Variants in PRR16 observed in about 807,000 individuals in gnomAD.
PRR16 encodes protein Largen.
Under a neutral mutation model 18.2 loss-of-function variants are expected in PRR16, and 6 were observed. That is an observed-to-expected ratio of 0.33 (90% CI 0.18 to 0.65). PRR16 has a LOEUF of 0.65. Ranked by LOEUF, PRR16 falls within the 30% of genes least tolerant of loss-of-function variation. The probability of loss-of-function intolerance (pLI) is 0.74; values close to 1 mark genes in which losing one functional copy is unlikely to be tolerated. For synonymous variants in PRR16, 151 were observed against 147.8 expected (o/e 1.02, Z -0.16); for missense variants, 412 against 376.6 (o/e 1.09, Z -0.78).
At chr5:120,544,007 C>T (rs1419818585) in intron 1 of PRR16, among the ~76,000 whole-genome samples, 3 of 152,090 alleles carry the variant, frequency 2.0e-5, no homozygotes, top group African/African-American at 7.2e-5. Context: ...GTTTGTCTGG[C>T]TGTGGAGATA....
At chr5:120,546,663 C>A (rs1269944978) in intron 1 of PRR16, among the ~76,000 whole-genome samples, 2 of 152,028 alleles carry the variant, frequency 1.3e-5, no homozygotes, top group Non-Finnish European at 2.9e-5. Flanking sequence ...AAGGATTCAG[C>A]TAGAGATTTT....
chr5:120,644,091 A>C (rs1274653173), intron 1 of PRR16, among the ~76,000 whole-genome samples: 1 of 152,034 alleles, frequency 6.6e-6, no homozygotes, highest in Non-Finnish European at 1.5e-5. Flanking sequence ...TTGGGTTCTA[A>C]AACTGTTCCT....
At chr5:120,625,299 C>T (rs182188525) in intron 1 of PRR16, among the ~76,000 whole-genome samples, 3 of 152,142 alleles carry the variant, frequency 2.0e-5, no homozygotes, top group South Asian at 2.1e-4. Flanking sequence ...AATGACTGTG[C>T]GGTAGTGGTC....
At chr5:120,548,329 C>A (rs1561541090) in intron 1 of PRR16, among the ~76,000 whole-genome samples, 1 of 152,054 alleles carries the variant, frequency 6.6e-6, no homozygotes, top group Non-Finnish European at 1.5e-5. Context: ...TTCTATTCAG[C>A]ATTTTTACAT....
chr5:120,683,263 C>T (rs1042301769), intron 1 of PRR16, among the ~76,000 whole-genome samples: 4 of 152,102 alleles, frequency 2.6e-5, no homozygotes, highest in Middle Eastern at 3.4e-3. Context: ...TGGGCTGAAG[C>T]GAGTGGATCA....
At chr5:120,500,280 C>CA (rs1279012416) in intron 1 of PRR16, among the ~76,000 whole-genome samples, 1 of 152,106 alleles carries the variant, frequency 6.6e-6, no homozygotes, top group Non-Finnish European at 1.5e-5. Flanking sequence ...ATACATTAGG[C>CA]AAAAAGAAAA....
chr5:120,519,439 G>A (rs1014186400), intron 1 of PRR16, among the ~76,000 whole-genome samples: 1 of 152,088 alleles, frequency 6.6e-6, no homozygotes, highest in African/African-American at 2.4e-5. Context: ...TTATATGATA[G>A]GCATTGAGTG....
the PRR16 span, chr5:120,781,541 C>G: frequency 6.6e-6 from 1 of 152,130 alleles, no homozygotes; most frequent in East Asian, 1.9e-4. Context: ...TGGGAGGCAT[C>G]TCTCACATAA....
chr5:120,713,110 A>T, the PRR16 span, among the ~76,000 whole-genome samples: 1 of 152,172 alleles, frequency 6.6e-6, no homozygotes, highest in Non-Finnish European at 1.5e-5. Context: ...GAGGCACAAC[A>T]CAAACACACA....
chr5:120,703,402 A>G, the PRR16 span, among the ~76,000 whole-genome samples: 1 of 152,354 alleles, frequency 6.6e-6, no homozygotes, highest in Admixed American at 6.5e-5. Context: ...TTGGGCTCAG[A>G]GGCCTGACAT....
the PRR16 span, among the ~76,000 whole-genome samples, chr5:120,787,510 C>T: frequency 9.2e-5 from 14 of 152,008 alleles, no homozygotes; most frequent in Admixed American, 2.0e-4. Flanking sequence ...TAACTTATGG[C>T]CACTGAGGGC....
chr5:120,763,339 G>A, the PRR16 span, among the ~76,000 whole-genome samples: 1 of 151,966 alleles, frequency 6.6e-6, no homozygotes, highest in African/African-American at 2.4e-5. Context: ...GTAGAGATGA[G>A]GTTTCGCCAT....
intron 1 of PRR16, among the ~76,000 whole-genome samples, chr5:120,628,006 C>G (rs1484011393): frequency 1.3e-5 from 2 of 152,032 alleles, no homozygotes; most frequent in Non-Finnish European, 2.9e-5. Context: ...GTTGTCCTTA[C>G]TCTGGTGAAT....
chr5:120,753,972 A>C, the PRR16 span, among the ~76,000 whole-genome samples: 1 of 111,154 alleles, frequency 9.0e-6, no homozygotes, highest in Non-Finnish European at 1.9e-5. Flanking sequence ...AATATATGTT[A>C]TATAATATAA....
chr5:120,607,437 T>C (rs1041037930), intron 1 of PRR16, among the ~76,000 whole-genome samples: 2 of 152,242 alleles, frequency 1.3e-5, no homozygotes, highest in East Asian at 1.9e-4. Flanking sequence ...AATAGTTTCT[T>C]TGAAGATATT....
the PRR16 span, among the ~76,000 whole-genome samples, chr5:120,750,525 A>T: frequency 6.6e-6 from 1 of 151,742 alleles, no homozygotes; most frequent in Admixed American, 6.6e-5. Context: ...AAATTAGCCC[A>T]GTGTGGTGGC....
At chr5:120,754,417 ATATT>A in the PRR16 span, among the ~76,000 whole-genome samples, 1 of 100,842 alleles carries the variant, frequency 9.9e-6, no homozygotes, top group African/African-American at 4.1e-5. Flanking sequence ...TATATACTAT[ATATT>A]ATATAATATA....
the PRR16 span, among the ~76,000 whole-genome samples, chr5:120,774,514 A>T: frequency 2.0e-5 from 3 of 152,166 alleles, no homozygotes; most frequent in Admixed American, 6.5e-5. Flanking sequence ...AGTGCATAGA[A>T]GCCACCCGAT....
At chr5:120,583,780 A>C (rs1002105019) in intron 1 of PRR16, among the ~76,000 whole-genome samples, 3 of 152,242 alleles carry the variant, frequency 2.0e-5, no homozygotes, top group Admixed American at 2.0e-4. Context: ...TAGGATATTC[A>C]CTAGTTGTCT....
Sources: allele counts gnomAD v4.1 joint callset (sites outside exome capture counted in the v4.1 genomes callset), GRCh38; gene constraint gnomAD v4.1.1; transcripts MANE v1.5; gene names NCBI Gene and HGNC (gene_info 2026-07-23, HGNC 2026-07-21).